MTMR7: variants seen among roughly 807,000 people sequenced by gnomAD.
MTMR7 encodes the protein phosphatidylinositol-3-phosphate phosphatase MTMR7.
A neutral mutation model predicts 81.2 loss-of-function variants in MTMR7; 76 were observed. That is an observed-to-expected ratio of 0.94 (90% CI 0.78 to 1.13). MTMR7 has a LOEUF of 1.13. Ranked by LOEUF, MTMR7 falls within the 50% of genes most tolerant of loss-of-function variation. The pLI, the probability that MTMR7 is intolerant of heterozygous loss-of-function variation, is 0.00. For synonymous variants in MTMR7, 372 were observed against 289.8 expected (o/e 1.28, Z -2.88); for missense variants, 1,044 against 820.0 (o/e 1.27, Z -3.34).
Position 17,355,213 on chromosome 8 carries a change from C to T in MTMR7, c.468+5904G>A, listed in dbSNP as rs905866148. 2.0e-5 allele frequency among the ~76,000 whole-genome samples: 3 copies of T among 152,092 alleles called. No homozygotes were observed. In the East Asian group the frequency reaches 5.8e-4, roughly 29 times the overall value. ...GTGTCATATTAACAAAAAGAGTATC[C>T]AATTTTCTTTACTAAACTTGGATTT... On this transcript the variant is annotated intron_variant, in intron 4 of 13. Coordinates refer to ENST00000180173, the MANE Select transcript of MTMR7 (RefSeq NM_004686.5).
intron 1 of MTMR7, among the ~76,000 whole-genome samples, chr8:17,388,642 T>C (rs1013218241): frequency 6.6e-6 from 1 of 152,236 alleles, no homozygotes; most frequent in Non-Finnish European, 1.5e-5. Flanking sequence ...CATCTACTTA[T>C]ATAGCTCTTT....
chr8:17,371,246 G>A, intron 2 of MTMR7, 47 bp from the exon 3 acceptor site: 2 of 1,581,532 alleles, frequency 1.3e-6, no homozygotes, highest in Non-Finnish European at 1.7e-6. Flanking sequence ...AATAACTAAT[G>A]AATACGACAA....
At chr8:17,326,131 C>T (rs1182666930) in intron 7 of MTMR7, among the ~76,000 whole-genome samples, 2 of 152,158 alleles carry the variant, frequency 1.3e-5, no homozygotes, top group Non-Finnish European at 2.9e-5. Flanking sequence ...GAGGCCAGGG[C>T]ACCTTCCATT....
rs527393813 is a variant in MTMR7 at position 17,297,759 on chromosome 8, C to T, written c.*2103G>A. ...GGATATTTTAGTCTTGTTGGGTTAG[C>T]CATGCTCTGAAGAATCTGTGAAAGT... is the stretch of plus-strand genomic sequence containing the variant. On this transcript the variant is annotated 3_prime_UTR_variant, in exon 14 of 14. Transcript: ENST00000180173. 4.6e-5 allele frequency: 7 copies of T among 151,982 alleles called. No homozygotes were observed. The highest frequency in any genetic ancestry group is 3.9e-4 in the East Asian group (2 of 5,170). 9.4% of individuals were successfully genotyped at this position (151,982 alleles called of 1,614,324 possible).
intron 1 of MTMR7, among the ~76,000 whole-genome samples, chr8:17,395,635 G>T (rs1036021607): frequency 6.6e-6 from 1 of 152,116 alleles, no homozygotes; most frequent in African/African-American, 2.4e-5. Context: ...GTATAAAGTG[G>T]TATCTTATTG....
intron 4 of MTMR7, 61 bp from the exon 5 acceptor site, chr8:17,349,142 C>T: frequency 6.4e-7 from 1 of 1,566,732 alleles, no homozygotes; most frequent in Non-Finnish European, 8.7e-7. Context: ...CGAACTGCCC[C>T]CAGAAATTCC....
chr8:17,350,527 CG>C (rs1167353572), intron 4 of MTMR7, among the ~76,000 whole-genome samples: 1 of 152,164 alleles, frequency 6.6e-6, no homozygotes, highest in Non-Finnish European at 1.5e-5. Flanking sequence ...TACCTCCCAC[CG>C]GGTCCCTCCC....
chr8:17,302,716 C>CCCG (rs1817206938), intron 12 of MTMR7, among the ~76,000 whole-genome samples: 1 of 79,270 alleles, frequency 1.3e-5, no homozygotes, highest in African/African-American at 3.9e-5. Context: ...CCCCCCCCCC[C>CCCG]GCTTTTTTTT....
chr8:17,346,902 A>G (rs1819571091), intron 5 of MTMR7, among the ~76,000 whole-genome samples: 1 of 150,396 alleles, frequency 6.6e-6, no homozygotes, highest in African/African-American at 2.4e-5. Flanking sequence ...AAAAAAAAAA[A>G]AAAAAAAAGA....
chr8:17,347,304 G>C (rs1322856348), intron 5 of MTMR7, among the ~76,000 whole-genome samples: 1 of 152,064 alleles, frequency 6.6e-6, no homozygotes, highest in African/African-American at 2.4e-5. Context: ...CCTAATTCAA[G>C]GCTAGGAAAA....
At chr8:17,348,905 T>A (rs564076307) in intron 5 of MTMR7, 48 bp downstream of exon 5, 2 of 1,610,222 alleles carry the variant, frequency 1.2e-6, no homozygotes, top group Admixed American at 3.3e-5. Flanking sequence ...CTGCTTATGA[T>A]AAACTAGAAA....
chr8:17,302,178 C>G lies in MTMR7; in HGVS notation c.1596G>C (p.Glu532Asp). Residue 532 changes from glutamate to aspartate, a missense_variant, in exon 13 of 14, where the codon GAG becomes GAC. Physicochemically the swap from Glu to Asp is conservative, Grantham distance 45. Coordinates refer to ENST00000180173, the MANE Select transcript of MTMR7 (RefSeq NM_004686.5). ...MAVKEETQQL[E>D]EELEALEERL... ...CTTCTTCCAGGGCCTCTAGTTCTTC[C>G]TCTAGCTGCTGAGTTTCTTCCTTCA... The G allele has an allele frequency of 6.2e-7, 1 of 1,614,122 alleles. No individual in the cohort carries two copies. The highest frequency in any genetic ancestry group is 8.5e-7 in the Non-Finnish European group (1 of 1,179,992).
intron 1 of MTMR7, among the ~76,000 whole-genome samples, chr8:17,399,327 G>A (rs542331197): frequency 1.4e-3 from 219 of 152,260 alleles, no homozygotes; most frequent in Admixed American, 2.7e-3. Flanking sequence ...TAGCGTTCAT[G>A]TATGCCAACA....
intron 2 of MTMR7, among the ~76,000 whole-genome samples, chr8:17,371,515 G>C (rs1585099880): frequency 6.6e-6 from 1 of 152,140 alleles, no homozygotes. Flanking sequence ...GCGCTTAATA[G>C]CTAAAATTAA....
intron 1 of MTMR7, among the ~76,000 whole-genome samples, chr8:17,392,091 A>C (rs1821125935): frequency 6.6e-6 from 1 of 152,210 alleles, no homozygotes; most frequent in Non-Finnish European, 1.5e-5. Context: ...AAAGTCACGG[A>C]ATCTTGGGTG....
At chr8:17,305,629 A>G in intron 11 of MTMR7, 128 bp downstream of exon 11, 1 of 707,060 alleles carries the variant, frequency 1.4e-6, no homozygotes. Flanking sequence ...AGAAAATAAA[A>G]CTAATCTGTC....
intron 1 of MTMR7, among the ~76,000 whole-genome samples, chr8:17,404,491 ATCAGTACTATTATTGTATTGC>A (rs1236620363): frequency 6.6e-5 from 10 of 152,200 alleles, no homozygotes; most frequent in African/African-American, 2.2e-4. Context: ...TATCAGTACT[ATCAGTACTATTATTGTATTGC>A]TCTTGTTACA....
At chr8:17,329,871 C>T (rs750423833) in intron 7 of MTMR7, among the ~76,000 whole-genome samples, 1 of 152,158 alleles carries the variant, frequency 6.6e-6, no homozygotes, top group East Asian at 1.9e-4. Context: ...GGTATTGTCA[C>T]TGTGACCTGA....
At chr8:17,320,039 A>C (rs1382064640) in intron 7 of MTMR7, among the ~76,000 whole-genome samples, 1 of 152,142 alleles carries the variant, frequency 6.6e-6, no homozygotes, top group African/African-American at 2.4e-5. Context: ...AAATGCAAAA[A>C]CACTTCATTA....
Sources: gnomAD v4.1 joint callset for allele counts (sites outside exome capture counted in the v4.1 genomes callset) on GRCh38, gnomAD v4.1.1 for gene constraint, MANE v1.5 for transcripts, NCBI Gene and HGNC (gene_info 2026-07-23, HGNC 2026-07-21) for gene names.